The following POF1B variants were observed in gnomAD, a reference collection of about 807,000 sequenced individuals.
POF1B encodes the protein protein POF1B.
A neutral mutation model predicts 55.3 loss-of-function variants in POF1B; 53 were observed. The observed-to-expected ratio is 0.96, with a 90% CI of 0.77 to 1.20. The LOEUF is 1.20. Among genes scored for constraint, POF1B ranks in the 50% most tolerant of loss-of-function variants. POF1B has a pLI of 0.00. For missense variants in POF1B, 478 were observed against 420.5 expected (o/e 1.14, Z -1.20); for synonymous variants, 188 against 148.3 (o/e 1.27, Z -1.95).
chrX:85,299,698 C>A (rs1285926035), intron 15 of POF1B, among the ~76,000 whole-genome samples: 14 of 107,033 alleles, frequency 1.3e-4, no homozygotes, highest in Non-Finnish European at 2.3e-4. Flanking sequence ...TTAGTAGAGA[C>A]GGGGTTTCAC....
At chrX:85,346,151 C>T (rs1214095431) in intron 5 of POF1B, 109 bp from the exon 6 acceptor site, 4 of 598,798 alleles carry the variant, frequency 6.7e-6, no homozygotes, top group Non-Finnish European at 9.4e-6. Context: ...CACTATAATT[C>T]AAACCCTAGG....
intron 3 of POF1B, among the ~76,000 whole-genome samples, chrX:85,365,374 C>T (rs888335410): frequency 8.9e-6 from 1 of 111,923 alleles, no homozygotes; most frequent in African/African-American, 3.2e-5. Context: ...TCTTTCTTAT[C>T]TCTGTGTGTG....
intron 2 of POF1B, among the ~76,000 whole-genome samples, chrX:85,371,442 T>C (rs1287984577): frequency 9.0e-6 from 1 of 111,226 alleles, no homozygotes; most frequent in Non-Finnish European, 1.9e-5. Context: ...ATAAAGAAGA[T>C]ACTATTATAA....
chrX:85,322,860 G>T lies in POF1B; in HGVS notation c.855-7126C>A, dbSNP rs1200492095. On this transcript the variant is annotated intron_variant, in intron 7 of 16. Transcript: ENST00000262753. ...CATGAAAAAATGCTCACCATCACTGGCCATCAGAGAAATGCAAATCAAAAC... is the reference window on the plus strand; with the variant it reads ...CATGAAAAAATGCTCACCATCACTGTCCATCAGAGAAATGCAAATCAAAAC... Among the ~76,000 whole-genome samples, 4 of 111,486 alleles carry T rather than the reference G, an allele frequency of 3.6e-5. No individual in the cohort carries two copies. In the South Asian group the frequency reaches 1.5e-3, roughly 42 times the overall value.
chrX:85,351,820 C>A (rs772949635), intron 4 of POF1B, among the ~76,000 whole-genome samples: 1 of 110,796 alleles, frequency 9.0e-6, no homozygotes, highest in Non-Finnish European at 1.9e-5. Flanking sequence ...TGGAAGATTT[C>A]TTTCTATGCA....
Position 85,303,159 on chromosome X carries a change from A to G in POF1B, c.1649+247T>C, listed in dbSNP as rs768972237. 1.2e-4 allele frequency among the ~76,000 whole-genome samples: 13 copies of G among 111,597 alleles called. 1 individual carries two copies. The highest frequency in any genetic ancestry group is 8.5e-3 in the Middle Eastern group (2 of 236). On this transcript the variant is annotated intron_variant, in intron 15 of 16. Coordinates refer to ENST00000262753, the MANE Select transcript of POF1B (RefSeq NM_024921.4). The stretch of plus-strand genomic sequence containing the variant: ...AGAGTCCTAACTAATGTGGTTGGTT[A>G]AAAAAACAATTATTTGTTTTTCACT...
intron 4 of POF1B, among the ~76,000 whole-genome samples, chrX:85,356,873 C>A (rs774964030): frequency 1.6e-4 from 18 of 110,877 alleles, no homozygotes; most frequent in Non-Finnish European, 2.5e-4. Context: ...AGTATATAAT[C>A]CCCAACATCT....
At chrX:85,324,870 T>C (rs1932879955) in intron 7 of POF1B, among the ~76,000 whole-genome samples, 1 of 112,363 alleles carries the variant, frequency 8.9e-6, no homozygotes, top group African/African-American at 3.2e-5. Flanking sequence ...TTAGGACTTC[T>C]TGTAAGGTAT....
At chrX:85,314,685 A>T (rs1417041430) in intron 8 of POF1B, among the ~76,000 whole-genome samples, 179 bp from the exon 9 acceptor site, 1 of 111,966 alleles carries the variant, frequency 8.9e-6, no homozygotes, top group Non-Finnish European at 1.9e-5. Flanking sequence ...TAAAAAAATC[A>T]ATTATATTAC....
In POF1B at chrX:85,317,168, T is replaced by C. The variant is rs1316920628; in HGVS notation, c.855-1434A>G. On this transcript the variant is annotated intron_variant, in intron 7 of 16. Transcript: ENST00000262753. ...CATTCCATGTCGTTGCTATTGTGAA[T>C]AGTGCTGCAATGAACATAGGTGTGC... Among the ~76,000 whole-genome samples the C allele has an allele frequency of 2.7e-5, 3 of 110,401 alleles. No individual in the cohort carries two copies. The Admixed American group carries it at 2.9e-4, about 11-fold the overall frequency.
intron 5 of POF1B, among the ~76,000 whole-genome samples, chrX:85,347,129 C>T (rs1026315829): frequency 4.4e-4 from 49 of 111,144 alleles, no homozygotes; most frequent in Admixed American, 2.7e-3. Flanking sequence ...TTCAGGCATA[C>T]TTGAATTTGC....
intron 3 of POF1B, among the ~76,000 whole-genome samples, chrX:85,359,981 T>TA (rs1291956355): frequency 9.1e-6 from 1 of 109,464 alleles, no homozygotes; most frequent in Non-Finnish European, 1.9e-5. Flanking sequence ...AAAGACATGT[T>TA]AAAAAAAATG....
chrX:85,355,071 C>CA (rs755927765), intron 4 of POF1B, among the ~76,000 whole-genome samples: 241 of 111,619 alleles, frequency 2.2e-3, no homozygotes, highest in African/African-American at 7.6e-3. Flanking sequence ...TACAAGGCTA[C>CA]AGTAACCAAA....
chrX:85,360,163 A>T (rs1933578962), intron 3 of POF1B, among the ~76,000 whole-genome samples: 1 of 108,081 alleles, frequency 9.3e-6, no homozygotes, highest in Non-Finnish European at 1.9e-5. Flanking sequence ...TATTATTTTT[A>T]ACTTTTGTTA....
intron 15 of POF1B, among the ~76,000 whole-genome samples, chrX:85,290,150 C>T (rs1932148936): frequency 1.8e-5 from 2 of 110,789 alleles, no homozygotes; most frequent in Non-Finnish European, 3.8e-5. Flanking sequence ...TCTACTGTTC[C>T]AATCTTTATG....
chrX:85,335,971 C>T (rs1933065970), intron 6 of POF1B, among the ~76,000 whole-genome samples: 1 of 109,602 alleles, frequency 9.1e-6, no homozygotes, highest in Admixed American at 9.8e-5. Context: ...TTTTTGTGCC[C>T]ATTAACAATC....
chrX:85,365,179 C>T (rs1395843557), intron 3 of POF1B, among the ~76,000 whole-genome samples: 1 of 111,523 alleles, frequency 9.0e-6, no homozygotes, highest in African/African-American at 3.3e-5. Flanking sequence ...TATTAGTTTT[C>T]TCAGATTGGG....
rs139333531 is a variant in POF1B, at chrX:85,316,629, G to A, written c.855-895C>T. 4.6e-3 allele frequency among the ~76,000 whole-genome samples: 513 copies of A among 110,967 alleles called. 2 individuals carry two copies. Among genetic ancestry groups the A allele is most frequent in the African/African-American group, 0.016 (489 of 30,566 alleles). ...AAATGAAGAAAAAACAGTAAACATG[G>A]GTTCTGACAGCAAGACAGAATATTT... On this transcript the variant is annotated intron_variant, in intron 7 of 16. Coordinates refer to ENST00000262753, the MANE Select transcript of POF1B (RefSeq NM_024921.4).
chrX:85,299,799 C>T (rs1160223084), intron 15 of POF1B, among the ~76,000 whole-genome samples: 12 of 112,263 alleles, frequency 1.1e-4, no homozygotes, highest in Admixed American at 7.5e-4. Context: ...TGAGCCACCG[C>T]GCCCGACCCT....
Sources: allele counts gnomAD v4.1 joint callset (sites outside exome capture counted in the v4.1 genomes callset), GRCh38; gene constraint gnomAD v4.1.1; transcripts MANE v1.5; gene names NCBI Gene and HGNC (gene_info 2026-07-23, HGNC 2026-07-21).